The following ABCA10 variants were observed in gnomAD, a reference collection of about 807,000 sequenced individuals.
ABCA10 encodes the protein ATP-binding cassette sub-family A member 10.
A neutral mutation model predicts 187.5 loss-of-function variants in ABCA10; 169 were observed. The ratio of observed to expected loss-of-function variants is 0.90; its 90% confidence interval spans 0.80 to 1.02. ABCA10 has a LOEUF of 1.02. ABCA10 is among the 50% of genes least tolerant of loss of function. The pLI is 0.00. For missense variants in ABCA10, 1,727 were observed against 1,812.4 expected (o/e 0.95, Z 0.86); for synonymous variants, 574 against 601.8 (o/e 0.95, Z 0.68).
At chr17:69,181,417 T>C (rs1337968885) in intron 22 of ABCA10, among the ~76,000 whole-genome samples, 1 of 152,146 alleles carries the variant, frequency 6.6e-6, no homozygotes, top group Non-Finnish European at 1.5e-5. Context: ...TTTTAAATTT[T>C]GCAGTGTCCT....
At chr17:69,153,695 C>T in intron 32 of ABCA10, 136 bp downstream of exon 32, 9 of 1,437,990 alleles carry the variant, frequency 6.3e-6, no homozygotes, top group Non-Finnish European at 6.6e-6. Context: ...TGATTTGGTT[C>T]TTATTCAGGT....
Position 69,215,819 on chromosome 17 carries a change from G to T in ABCA10, c.854C>A (p.Ala285Asp). Residue 285 changes from alanine to aspartate, a missense_variant, in exon 8 of 39, where the codon GCC becomes GAC. Coordinates refer to ENST00000690296, the MANE Select transcript of ABCA10 (RefSeq NM_001377321.1). ...LSPFAFTAGMAQITHLDNYLS... is the reference protein window; with the variant it reads ...LSPFAFTAGMDQITHLDNYLS... The stretch of plus-strand genomic sequence containing the variant: ...TTGAAATAATTATGTTCTTACCTGG[G>T]CCATTCCAGCAGTGAAGGCAAAAGG... 1 of 1,567,260 alleles carries T rather than the reference G, an allele frequency of 6.4e-7. No homozygotes were observed. The highest frequency in any genetic ancestry group is 8.6e-7 in the Non-Finnish European group (1 of 1,163,476).
intron 18 of ABCA10, among the ~76,000 whole-genome samples, chr17:69,188,962 C>T (rs1005817484): frequency 6.6e-6 from 1 of 152,042 alleles, no homozygotes; most frequent in African/African-American, 2.4e-5. Flanking sequence ...GATTCCATGT[C>T]TCTGCTATTG....
intron 27 of ABCA10, among the ~76,000 whole-genome samples, chr17:69,159,181 T>C (rs1464126483): frequency 1.3e-5 from 2 of 152,006 alleles, no homozygotes; most frequent in Admixed American, 6.6e-5. Context: ...ATACATTCAC[T>C]AAACTAAATA....
intron 22 of ABCA10, chr17:69,178,959 G>A (rs1478749894): frequency 1.3e-5 from 2 of 152,046 alleles, no homozygotes; most frequent in Non-Finnish European, 2.9e-5. Context: ...TATCCAAATT[G>A]CTTCCTTGAC....
intron 25 of ABCA10, among the ~76,000 whole-genome samples, chr17:69,167,929 C>G (rs771307086): frequency 3.4e-4 from 51 of 152,172 alleles, no homozygotes; most frequent in Non-Finnish European, 6.6e-4. Context: ...TCCCGCCTCC[C>G]CTTCCACCTC....
intron 3 of ABCA10, among the ~76,000 whole-genome samples, chr17:69,224,215 T>C (rs1452241599): frequency 2.0e-5 from 3 of 152,108 alleles, no homozygotes; most frequent in Non-Finnish European, 4.4e-5. Context: ...TAATTAAAAT[T>C]CAGAGTTTGG....
intron 16 of ABCA10, among the ~76,000 whole-genome samples, chr17:69,191,723 AC>A (rs1367761224): frequency 6.6e-6 from 1 of 152,248 alleles, no homozygotes; most frequent in African/African-American, 2.4e-5. Flanking sequence ...TACATAAAAA[AC>A]AATCATGATA....
intron 27 of ABCA10, among the ~76,000 whole-genome samples, chr17:69,159,824 GA>G (rs1372700810): frequency 6.6e-6 from 1 of 152,030 alleles, no homozygotes; most frequent in African/African-American, 2.4e-5. Flanking sequence ...GAATAGAATA[GA>G]AAACCCAGAA....
intron 35 of ABCA10, 71 bp from the exon 36 acceptor site, chr17:69,152,254 G>C: frequency 6.4e-7 from 1 of 1,572,132 alleles, no homozygotes; most frequent in East Asian, 2.2e-5. Context: ...GTAGAGGAAG[G>C]TGTTTAATTA....
intron 1 of ABCA10, among the ~76,000 whole-genome samples, chr17:69,237,785 G>C (rs149175560): frequency 3.9e-5 from 6 of 152,240 alleles, no homozygotes; most frequent in Non-Finnish European, 8.8e-5. Context: ...GGCAACCTTT[G>C]AAGAAGACAC....
At chr17:69,207,705 G>A (rs1269051455) in intron 9 of ABCA10, among the ~76,000 whole-genome samples, 1 of 152,116 alleles carries the variant, frequency 6.6e-6, no homozygotes, top group African/African-American at 2.4e-5. Flanking sequence ...TCTAAAAAGT[G>A]GAACAAACTG....
rs1568059216 is a variant in ABCA10, at chr17:69,182,761, C to CT, written c.2544dup (p.Val849SerfsTer6). 1 of 1,610,708 alleles carries CT rather than the reference C, an allele frequency of 6.2e-7. No individual in the cohort carries two copies. Among genetic ancestry groups the CT allele is most frequent in the African/African-American group, 1.3e-5 (1 of 74,488 alleles). On this transcript the variant is annotated frameshift_variant, in exon 21 of 39. Coordinates refer to ENST00000690296, the MANE Select transcript of ABCA10 (RefSeq NM_001377321.1). LOFTEE classifies it high-confidence loss of function. Reference sequence around the variant, plus strand: ...TTTCTAAAGTCATCTATTTCCAAAACTATATCCTGACACTTCAGTGAATGC... The same window carrying CT: ...TTTCTAAAGTCATCTATTTCCAAAACTTATATCCTGACACTTCAGTGAATGC...
chr17:69,210,379 C>CG (rs1158822213), intron 9 of ABCA10, among the ~76,000 whole-genome samples: 1 of 149,558 alleles, frequency 6.7e-6, no homozygotes, highest in South Asian at 2.1e-4. Flanking sequence ...TTAGTAGAGA[C>CG]GGGGTTTCAC....
At chr17:69,206,359 C>T (rs1471987004) in intron 9 of ABCA10, among the ~76,000 whole-genome samples, 1 of 152,166 alleles carries the variant, frequency 6.6e-6, no homozygotes, top group African/African-American at 2.4e-5. Context: ...CTTCCCAGCA[C>T]TTGTTCCCCA....
At chr17:69,212,069 GATT>G (rs1028775537) in intron 9 of ABCA10, among the ~76,000 whole-genome samples, 1 of 152,038 alleles carries the variant, frequency 6.6e-6, no homozygotes, top group Non-Finnish European at 1.5e-5. Context: ...TGTGACCTTA[GATT>G]GTCTATTTGT....
chr17:69,154,320 A>C lies in ABCA10; in HGVS notation c.3701T>G (p.Val1234Gly). Residue 1234 changes from valine (V) to glycine (G), a missense_variant, in exon 31 of 39, where the codon GTT becomes GGT. Coordinates refer to ENST00000690296, the MANE Select transcript of ABCA10 (RefSeq NM_001377321.1). Reference sequence around the variant, plus strand: ...TCCATTGTGTCCTAGTAATCCCAAAACTTCACCTGGAAGAAAGAGTCACCA... The same window carrying C: ...TCCATTGTGTCCTAGTAATCCCAAACCTTCACCTGGAAGAAAGAGTCACCA... Reference protein sequence around the residue: ...NVSFCVKKGEVLGLLGHNGAG... With the variant: ...NVSFCVKKGEGLGLLGHNGAG... 1 of 1,588,160 alleles carries C rather than the reference A, an allele frequency of 6.3e-7. No individual in the cohort carries two copies.
At chr17:69,154,054 C>T in intron 31 of ABCA10, 45 bp from the exon 32 acceptor site, 5 of 1,591,792 alleles carry the variant, frequency 3.1e-6, no homozygotes, top group Non-Finnish European at 4.3e-6. Flanking sequence ...GTTTTTGCTC[C>T]AATCCCCCTT....
In ABCA10 at chr17:69,194,444, T is replaced by G; in HGVS notation, c.1286A>C (p.Asn429Thr). Reference sequence around the variant, plus strand: ...TAGCAGTGTTGATTTACCAGCTCCATTATGCCCAAGTATTGCAGTGATCTG... The same window carrying G: ...TAGCAGTGTTGATTTACCAGCTCCAGTATGCCCAAGTATTGCAGTGATCTG... Reference protein sequence around the residue: ...EGQITAILGHNGAGKSTLLNI... With the variant: ...EGQITAILGHTGAGKSTLLNI... The change falls in exon 12 of 39, where the codon AAT (asparagine) becomes ACT (threonine). Residue 429 changes from asparagine (N) to threonine (T), a missense_variant. Transcript: ENST00000690296. 1.2e-6 allele frequency: 2 copies of G among 1,613,328 alleles called. No homozygotes were observed. The highest frequency in any genetic ancestry group is 2.2e-5 in the South Asian group (2 of 91,028).
Sources: allele counts gnomAD v4.1 joint callset (sites outside exome capture counted in the v4.1 genomes callset), GRCh38; gene constraint gnomAD v4.1.1; transcripts MANE v1.5; gene names NCBI Gene and HGNC (gene_info 2026-07-23, HGNC 2026-07-21).